DOCK4: variants seen among roughly 807,000 people sequenced by gnomAD.
DOCK4 encodes the protein dedicator of cytokinesis protein 4.
A neutral mutation model predicts 268.1 loss-of-function variants in DOCK4; 97 were observed. The observed-to-expected ratio is 0.36, with a 90% CI of 0.31 to 0.43. The LOEUF is 0.43. Among genes scored for constraint, DOCK4 ranks in the 20% least tolerant of loss-of-function variants. The pLI, the probability that DOCK4 is intolerant of heterozygous loss-of-function variation, is 1.00. For synonymous variants in DOCK4, 954 were observed against 887.2 expected (o/e 1.08, Z -1.34); for missense variants, 2,145 against 2,455.7 (o/e 0.87, Z 2.67).
At chr7:111,856,059 G>A (rs555481651) in intron 23 of DOCK4, among the ~76,000 whole-genome samples, 18 of 152,236 alleles carry the variant, frequency 1.2e-4, no homozygotes, top group African/African-American at 3.6e-4. Flanking sequence ...CTCTGAGCAC[G>A]GGGAGACAGC....
At chr7:111,805,554 T>C (rs562317292) in intron 30 of DOCK4, among the ~76,000 whole-genome samples, 1 of 152,316 alleles carries the variant, frequency 6.6e-6, no homozygotes, top group East Asian at 1.9e-4. Flanking sequence ...TCTCATAGGG[T>C]TGAAAAATTG....
intron 15 of DOCK4, among the ~76,000 whole-genome samples, chr7:111,897,813 A>C (rs1276339793): frequency 6.6e-6 from 1 of 152,196 alleles, no homozygotes; most frequent in African/African-American, 2.4e-5. Context: ...CATGTCTAAA[A>C]TGCAATGTTC....
At chr7:111,841,334 T>G (rs1803677232) in intron 25 of DOCK4, among the ~76,000 whole-genome samples, 1 of 152,068 alleles carries the variant, frequency 6.6e-6, no homozygotes, top group African/African-American at 2.4e-5. Flanking sequence ...CTGGCTAATT[T>G]TTTTGTATTT....
chr7:112,174,196 C>T (rs1044026437), intron 1 of DOCK4, among the ~76,000 whole-genome samples: 7 of 152,150 alleles, frequency 4.6e-5, no homozygotes, highest in South Asian at 4.1e-4. Context: ...TCCCATCAGA[C>T]GTTAGTACAC....
chr7:112,160,278 T>C (rs528194192), intron 1 of DOCK4, among the ~76,000 whole-genome samples: 1 of 152,290 alleles, frequency 6.6e-6, no homozygotes, highest in South Asian at 2.1e-4. Flanking sequence ...AATGAGATGA[T>C]AAGATGTTTC....
chr7:112,031,805 T>C (rs1036183282), intron 1 of DOCK4, among the ~76,000 whole-genome samples: 1 of 152,194 alleles, frequency 6.6e-6, no homozygotes, highest in Non-Finnish European at 1.5e-5. Context: ...AGAGAGATGC[T>C]GACAAACCAG....
chr7:111,942,392 TC>T (rs1480203339), intron 10 of DOCK4, among the ~76,000 whole-genome samples: 1 of 152,186 alleles, frequency 6.6e-6, no homozygotes, highest in Non-Finnish European at 1.5e-5. Context: ...GAAGTATGTG[TC>T]CCTTGTTAAA....
intron 16 of DOCK4, among the ~76,000 whole-genome samples, chr7:111,889,022 C>G (rs970335450): frequency 3.9e-5 from 6 of 152,058 alleles, no homozygotes; most frequent in Non-Finnish European, 7.4e-5. Flanking sequence ...TTTGGGAGAG[C>G]TGAAGATGTA....
At position 112,129,282 on chromosome 7, in the gene DOCK4, A is replaced by G. The variant is rs73715472; in HGVS notation, c.37+76820T>C. ...AAGGCATTATCTCAAAAGGTTATAT[A>G]TAGTATAATTCCATTTATATAACAT... On this transcript the variant is annotated intron_variant, in intron 1 of 52. Transcript: ENST00000428084. Among the ~76,000 whole-genome samples, 850 of 152,352 alleles carry G rather than the reference A, an allele frequency of 5.6e-3. 10 individuals are homozygous for G. Among genetic ancestry groups the G allele is most frequent in the African/African-American group, 0.019 (795 of 41,582 alleles).
intron 1 of DOCK4, among the ~76,000 whole-genome samples, chr7:112,125,803 AT>A (rs959794847): frequency 5.9e-5 from 9 of 151,772 alleles, no homozygotes; most frequent in African/African-American, 1.9e-4. Context: ...CATCATCACT[AT>A]TTTTTTGTTT....
rs773038964 is a variant in DOCK4 at position 111,901,768 on chromosome 7, T to G, written c.1226A>C (p.Glu409Ala). 6.3e-7 allele frequency: 1 copy of G among 1,595,448 alleles called. No homozygotes were observed. The highest frequency in any genetic ancestry group is 8.6e-7 in the Non-Finnish European group (1 of 1,164,316). Residue 409 changes from glutamate (E) to alanine (A), a missense_variant, in exon 14 of 53, where the codon GAA (glutamate) becomes GCA (alanine). Glu to Ala is a moderately radical substitution (Grantham distance 107). Transcript: ENST00000428084. ...EMRNDLYITI[E>A]RGEFEKGGKS... ...CCCTCCTTTCTCAAATTCTCCCCTT[T>G]CAATAGTGATATATAAATCATTCCT...
At chr7:111,814,951 C>T (rs571055936) in intron 27 of DOCK4, among the ~76,000 whole-genome samples, 3 of 152,236 alleles carry the variant, frequency 2.0e-5, no homozygotes, top group African/African-American at 7.2e-5. Flanking sequence ...GACACGATGA[C>T]TTTCATTAAC....
intron 27 of DOCK4, among the ~76,000 whole-genome samples, chr7:111,813,141 C>T (rs1436107155): frequency 1.3e-5 from 2 of 152,028 alleles, no homozygotes; most frequent in African/African-American, 2.4e-5. Context: ...TATAAATTGT[C>T]GATATTTAAA....
chr7:112,006,716 T>C (rs151053130), intron 1 of DOCK4, among the ~76,000 whole-genome samples: 2 of 152,330 alleles, frequency 1.3e-5, no homozygotes, highest in East Asian at 1.9e-4. Context: ...TGACATGGCA[T>C]AGTACTTACC....
At chr7:111,771,589 G>T (rs1250168576) in intron 36 of DOCK4, among the ~76,000 whole-genome samples, 1 of 152,134 alleles carries the variant, frequency 6.6e-6, no homozygotes, top group Admixed American at 6.5e-5. Flanking sequence ...ATAATAACCA[G>T]ATCCTCAGAA....
At chr7:111,732,774 T>TCCCCAAATAGGTAGAAAAC (rs1795189769) in intron 51 of DOCK4, among the ~76,000 whole-genome samples, 1 of 152,092 alleles carries the variant, frequency 6.6e-6, no homozygotes, top group Non-Finnish European at 1.5e-5. Flanking sequence ...ACCCCAGTAC[T>TCCCCAAATAGGTAGAAAAC]CCCCAAATAG....
chr7:111,979,672 C>T (rs1312649397), intron 7 of DOCK4, among the ~76,000 whole-genome samples: 4 of 152,082 alleles, frequency 2.6e-5, no homozygotes, highest in East Asian at 3.9e-4. Flanking sequence ...AACCGAATGA[C>T]TACTAAAGGC....
In DOCK4 at chr7:111,867,862, T is replaced by C. The variant is rs1169337963; in HGVS notation, c.2280+122A>G. On this transcript the variant is annotated intron_variant, in intron 22 of 52. Coordinates refer to ENST00000428084, the MANE Select transcript of DOCK4 (RefSeq NM_001363540.2). Reference sequence around the variant, plus strand: ...AGTCTACTCATAAAGTTGGTTAAGCTACAAATATAAACTGGAGCAATTGAC... The same window carrying C: ...AGTCTACTCATAAAGTTGGTTAAGCCACAAATATAAACTGGAGCAATTGAC... 8.2e-5 allele frequency: 83 copies of C among 1,017,072 alleles called. 1 individual carries two copies. The highest frequency in any genetic ancestry group is 1.1e-4 in the Non-Finnish European group (82 of 752,714). 63.0% of individuals were successfully genotyped at this position (1,017,072 alleles called of 1,614,324 possible).
chr7:111,761,737 CT>C (rs1797421352), intron 39 of DOCK4, among the ~76,000 whole-genome samples: 1 of 152,128 alleles, frequency 6.6e-6, no homozygotes, highest in African/African-American at 2.4e-5. Flanking sequence ...ACAGCAGGAA[CT>C]GGGCTGGATA....
Sources: gnomAD v4.1 joint callset for allele counts (sites outside exome capture counted in the v4.1 genomes callset) on GRCh38, gnomAD v4.1.1 for gene constraint, MANE v1.5 for transcripts, NCBI Gene and HGNC (gene_info 2026-07-23, HGNC 2026-07-21) for gene names.